The following UBR3 variants were observed in gnomAD, a reference collection of about 807,000 sequenced individuals.
UBR3 encodes the protein E3 ubiquitin-protein ligase UBR3.
A neutral mutation model predicts 243.2 loss-of-function variants in UBR3; 85 were observed. That is an observed-to-expected ratio of 0.35 (90% CI 0.29 to 0.42). The LOEUF is 0.42. Among genes scored for constraint, UBR3 ranks in the 10% least tolerant of loss-of-function variants. UBR3 has a pLI of 1.00. For missense variants in UBR3, 1,686 were observed against 2,300.8 expected, an observed-to-expected ratio of 0.73 and a Z score of 5.47; for synonymous variants, 748 against 799.8, an observed-to-expected ratio of 0.94 and a Z score of 1.09.
chr2:169,882,656 C>A (rs1157637591), intron 5 of UBR3, among the ~76,000 whole-genome samples: 1 of 151,346 alleles, frequency 6.6e-6, no homozygotes, highest in African/African-American at 2.4e-5. Context: ...CAGGAGAACC[C>A]CTTGAACCTG....
chr2:169,840,915 T>G (rs73022464), intron 1 of UBR3, among the ~76,000 whole-genome samples: 6,623 of 152,206 alleles, frequency 0.044, 163 homozygotes, highest in Middle Eastern at 0.068. Flanking sequence ...GAGCAGAGAC[T>G]TGAGGTGGTG....
intron 5 of UBR3, among the ~76,000 whole-genome samples, chr2:169,883,430 G>T (rs1206490639): frequency 1.3e-5 from 2 of 152,214 alleles, no homozygotes; most frequent in Admixed American, 1.3e-4. Context: ...AAGGTATGTG[G>T]TGTCACTTCA....
intron 24 of UBR3, among the ~76,000 whole-genome samples, chr2:169,974,354 A>T (rs1308166713): frequency 1.3e-5 from 2 of 151,948 alleles, no homozygotes; most frequent in African/African-American, 4.8e-5. Flanking sequence ...CTCAATATTT[A>T]TCTGTTCAGA....
intron 5 of UBR3, among the ~76,000 whole-genome samples, chr2:169,884,485 A>T (rs894968549): frequency 2.0e-5 from 3 of 152,212 alleles, no homozygotes; most frequent in Admixed American, 2.0e-4. Context: ...AGAAGAAAAT[A>T]TACTGAAATT....
In UBR3 at chr2:169,972,454, G is replaced by A. The variant is rs1446436183; in HGVS notation, c.3634+13928G>A. On this transcript the variant is annotated intron_variant, in intron 24 of 38. Transcript: ENST00000272793. ...TCTGATACCAAAGCCAGGCAGAGACGCAACAAAAAAAGAGAATTTTAGATC... is the reference window on the plus strand; with the variant it reads ...TCTGATACCAAAGCCAGGCAGAGACACAACAAAAAAAGAGAATTTTAGATC... 9.2e-5 allele frequency among the ~76,000 whole-genome samples: 14 copies of A among 152,060 alleles called. No homozygotes were observed. In the South Asian group the frequency reaches 2.5e-3, roughly 27 times the overall value.
intron 1 of UBR3, among the ~76,000 whole-genome samples, chr2:169,854,138 TAACA>T (rs1208888064): frequency 6.6e-6 from 1 of 152,230 alleles, no homozygotes; most frequent in South Asian, 2.1e-4. Flanking sequence ...TATACCTATG[TAACA>T]AACTTGCACA....
At chr2:169,933,530 T>C (rs1273398493) in intron 19 of UBR3, among the ~76,000 whole-genome samples, 2 of 152,324 alleles carry the variant, frequency 1.3e-5, no homozygotes, top group South Asian at 4.1e-4. Flanking sequence ...AGAATTCAAT[T>C]TTGTATGTTA....
At chr2:170,041,551 T>C (rs1361581009) in intron 32 of UBR3, among the ~76,000 whole-genome samples, 1 of 152,222 alleles carries the variant, frequency 6.6e-6, no homozygotes, top group Non-Finnish European at 1.5e-5. Context: ...AACATTATTA[T>C]ATTAACAGCA....
chr2:169,947,369 G>T, intron 21 of UBR3, 173 bp from the exon 22 acceptor site: 1 of 441,282 alleles, frequency 2.3e-6, no homozygotes. Context: ...TGCATTTTTT[G>T]TTTGAATTTG....
At chr2:170,012,574 G>A (rs557019464) in intron 29 of UBR3, among the ~76,000 whole-genome samples, 4 of 152,200 alleles carry the variant, frequency 2.6e-5, no homozygotes, top group East Asian at 1.9e-4. Context: ...TATAAAATAT[G>A]TGTAAGTCCT....
intron 30 of UBR3, among the ~76,000 whole-genome samples, chr2:170,023,109 T>G (rs1268310974): frequency 1.3e-5 from 2 of 152,082 alleles, no homozygotes; most frequent in Non-Finnish European, 1.5e-5. Flanking sequence ...TCCACCCCCA[T>G]GATATTTCAG....
At chr2:170,029,788 CCCATCAGTCT>C (rs1346279435) in intron 31 of UBR3, among the ~76,000 whole-genome samples, 1 of 151,812 alleles carries the variant, frequency 6.6e-6, no homozygotes, top group Non-Finnish European at 1.5e-5. Context: ...TGTAAAGTGC[CCCATCAGTCT>C]TTCACCTAAT....
At position 169,928,814 on chromosome 2, in the gene UBR3, G is replaced by T. The variant is rs1023450001; in HGVS notation, c.2512G>T (p.Ala838Ser). ...TTTATCAGCTGTAGCTGATTTTAAG[G>T]CTCCTGTTTTTGAACCTGGAGGTTC... ...SVLSAVADFKAPVFEPGGSMQ... is the reference protein window; with the variant it reads ...SVLSAVADFKSPVFEPGGSMQ... The change falls in exon 18 of 39, where the codon GCT (alanine) becomes TCT (serine). Residue 838 changes from alanine (A) to serine (S), a missense_variant. By Grantham distance (99) the Ala-to-Ser change is moderately conservative. Transcript: ENST00000272793. The T allele has an allele frequency of 6.0e-6, 9 of 1,506,138 alleles. No individual in the cohort carries two copies. The highest frequency in any genetic ancestry group is 1.4e-5 in the African/African-American group (1 of 72,708). The allele number at this position is 1,506,138 out of a possible 1,614,324, so 93.3% of individuals were successfully genotyped here.
chr2:169,975,474 T>C (rs2088384528), intron 24 of UBR3, among the ~76,000 whole-genome samples: 1 of 152,234 alleles, frequency 6.6e-6, no homozygotes, highest in Non-Finnish European at 1.5e-5. Flanking sequence ...TCTATTTGGC[T>C]TAAAGTGCAG....
chr2:169,856,077 G>C (rs2082841286), intron 1 of UBR3, among the ~76,000 whole-genome samples: 1 of 151,630 alleles, frequency 6.6e-6, no homozygotes, highest in Non-Finnish European at 1.5e-5. Flanking sequence ...TTCCCAGACG[G>C]GGCGGCTGCC....
intron 1 of UBR3, among the ~76,000 whole-genome samples, chr2:169,855,393 C>T (rs573764716): frequency 2.0e-5 from 3 of 151,186 alleles, no homozygotes; most frequent in Admixed American, 6.6e-5. Context: ...GGGTGTTTCT[C>T]GGAGAGGGGG....
At chr2:169,942,846 C>T (rs551637694) in intron 20 of UBR3, among the ~76,000 whole-genome samples, 96 of 152,284 alleles carry the variant, frequency 6.3e-4, no homozygotes, top group Middle Eastern at 3.4e-3. Flanking sequence ...AACTATTTAT[C>T]TTATCTAGCT....
At chr2:169,911,974 C>T (rs1267384168) in intron 10 of UBR3, among the ~76,000 whole-genome samples, 1 of 152,004 alleles carries the variant, frequency 6.6e-6, no homozygotes, top group Non-Finnish European at 1.5e-5. Context: ...TAAGTGATTT[C>T]GGTCTGGATT....
In UBR3 at chr2:169,875,894, G is replaced by T. The variant is rs889282892; in HGVS notation, c.789G>T (p.Arg263=). 5 of 1,548,728 alleles carry T rather than the reference G, an allele frequency of 3.2e-6. No individual in the cohort carries two copies. The highest frequency in any genetic ancestry group is 4.4e-6 in the Non-Finnish European group (5 of 1,145,702). The change falls in exon 3 of 39, where the codon CGG becomes CGT. Residue 263 remains arginine, a synonymous_variant. Transcript: ENST00000272793. ...EDLTKMGGAM[R]SVLTQVLTNQ... ...TGACTAAAATGGGAGGAGCAATGCG[G>T]TCTGTTCTTACTCAGGTTTTGACAA...
Sources: gnomAD v4.1 joint callset for allele counts (sites outside exome capture counted in the v4.1 genomes callset) on GRCh38, gnomAD v4.1.1 for gene constraint, MANE v1.5 for transcripts, NCBI Gene and HGNC (gene_info 2026-07-23, HGNC 2026-07-21) for gene names.